Variants in SUGCT observed in about 807,000 individuals in gnomAD.
SUGCT encodes succinyl-CoA:glutarate CoA-transferase.
In SUGCT, 41 loss-of-function variants were observed where a neutral mutation model predicts 55.0. The ratio of observed to expected loss-of-function variants is 0.74; its 90% confidence interval spans 0.58 to 0.97. The LOEUF (loss-of-function observed/expected upper bound fraction) is 0.97. Ranked by LOEUF, SUGCT falls within the 50% of genes least tolerant of loss-of-function variation. The pLI is 0.00. For synonymous variants in SUGCT, 187 were observed against 200.4 expected (o/e 0.93, Z 0.56); for missense variants, 568 against 547.8 (o/e 1.04, Z -0.37).
At chr7:40,894,669 CA>C in the SUGCT span, among the ~76,000 whole-genome samples, 1 of 152,086 alleles carries the variant, frequency 6.6e-6, no homozygotes, top group South Asian at 2.1e-4. Context: ...AGACACTTTT[CA>C]AAAGAAGATA....
intron 9 of SUGCT, among the ~76,000 whole-genome samples, chr7:40,397,263 C>A (rs1282245384): frequency 2.0e-5 from 3 of 150,844 alleles, no homozygotes; most frequent in Non-Finnish European, 4.4e-5. Flanking sequence ...TTTAGAAAGC[C>A]CTCTAGCCAC....
At chr7:40,662,359 A>C (rs1443223022) in intron 12 of SUGCT, among the ~76,000 whole-genome samples, 1 of 152,172 alleles carries the variant, frequency 6.6e-6, no homozygotes, top group Non-Finnish European at 1.5e-5. Context: ...TCCTCCCCAC[A>C]TAGAAGTCAG....
chr7:40,554,066 T>A (rs1359924337), intron 12 of SUGCT, among the ~76,000 whole-genome samples: 1 of 152,254 alleles, frequency 6.6e-6, no homozygotes, highest in Non-Finnish European at 1.5e-5. Context: ...AGATCTGGAT[T>A]TGAATCCTGG....
At chr7:40,721,754 T>G (rs773687998) in intron 12 of SUGCT, among the ~76,000 whole-genome samples, 2 of 152,242 alleles carry the variant, frequency 1.3e-5, no homozygotes, top group African/African-American at 2.4e-5. Flanking sequence ...GAGGAATATG[T>G]CTTCTAGTTT....
rs563984591 is a variant in SUGCT, at chr7:40,321,697, T to C, written c.816+4842T>C. Reference sequence around the variant, plus strand: ...CGTGCCCAGCCTGACTTGATGTTTCTGAGTTATTTTACATTAAGATCATGG... The same window carrying C: ...CGTGCCCAGCCTGACTTGATGTTTCCGAGTTATTTTACATTAAGATCATGG... On this transcript the variant is annotated intron_variant, in intron 9 of 13. Coordinates refer to ENST00000335693, the MANE Select transcript of SUGCT (RefSeq NM_001193313.2). 1.2e-3 allele frequency among the ~76,000 whole-genome samples: 177 copies of C among 152,332 alleles called. 1 individual carries two copies. The highest frequency in any genetic ancestry group is 4.1e-3 in the African/African-American group (169 of 41,572).
chr7:40,484,708 G>T (rs1389629741), intron 11 of SUGCT, among the ~76,000 whole-genome samples: 1 of 152,092 alleles, frequency 6.6e-6, no homozygotes, highest in Non-Finnish European at 1.5e-5. Context: ...AGTATTTCTT[G>T]TGGTGCCTGG....
intron 7 of SUGCT, among the ~76,000 whole-genome samples, chr7:40,270,299 T>G (rs1791923347): frequency 6.6e-6 from 1 of 152,164 alleles, no homozygotes; most frequent in Admixed American, 6.5e-5. Flanking sequence ...TTTCTTTTGT[T>G]GCTAGTGCTT....
Position 40,287,608 on chromosome 7 carries a change from C to A in SUGCT, c.720+12952C>A, listed in dbSNP as rs574374580. ...GAACTCCCAGTCTCAAGCAATCCCC[C>A]ACCTCAGCCCCCTGAGTGGCTTGGA... On this transcript the variant is annotated intron_variant, in intron 8 of 13. Transcript: ENST00000335693. Among the ~76,000 whole-genome samples the A allele has an allele frequency of 1.5e-3, 235 of 152,144 alleles. 3 individuals are homozygous for A. The highest frequency in any genetic ancestry group is 5.3e-3 in the African/African-American group (221 of 41,518).
At chr7:40,307,694 G>T (rs1287009991) in intron 8 of SUGCT, among the ~76,000 whole-genome samples, 1 of 152,142 alleles carries the variant, frequency 6.6e-6, no homozygotes, top group Non-Finnish European at 1.5e-5. Context: ...GTAAATACTA[G>T]AAACTGATAA....
At chr7:40,492,183 T>G in intron 11 of SUGCT, among the ~76,000 whole-genome samples, 1 of 152,082 alleles carries the variant, frequency 6.6e-6, no homozygotes, top group East Asian at 1.9e-4. Context: ...AAGGCATTCA[T>G]GACCAAACCA....
chr7:40,317,106 C>T (rs926100882), intron 9 of SUGCT, among the ~76,000 whole-genome samples: 1 of 149,652 alleles, frequency 6.7e-6, no homozygotes, highest in Admixed American at 6.8e-5. Flanking sequence ...AAAGTAAGTG[C>T]CTTTTGGGCT....
rs557004249 is a variant in SUGCT at position 40,258,782 on chromosome 7, C to CA, written c.577-15725dup. On this transcript the variant is annotated intron_variant, in intron 7 of 13. Transcript: ENST00000335693. ...TATGGAAAGCAGTATGGAGGTTCTT[C>CA]AAAAAATTAAAAGTAGAACAACTAT... Among the ~76,000 whole-genome samples the CA allele has an allele frequency of 7.5e-4, 114 of 152,166 alleles. 1 individual carries two copies. Among genetic ancestry groups the CA allele is most frequent in the South Asian group, 1.9e-3 (9 of 4,820 alleles).
intron 12 of SUGCT, among the ~76,000 whole-genome samples, chr7:40,718,601 T>G (rs1203734): frequency 0.36 from 54,262 of 152,082 alleles, 10,757 homozygotes; most frequent in African/African-American, 0.55. Flanking sequence ...TTTCTGACTG[T>G]TTAATAATAG....
chr7:40,986,328 T>G, the SUGCT span, among the ~76,000 whole-genome samples: 1 of 151,958 alleles, frequency 6.6e-6, no homozygotes, highest in Admixed American at 6.6e-5. Flanking sequence ...TGAATAAGAG[T>G]TTTAGTGAGC....
In SUGCT at chr7:40,209,251, C is replaced by T. The variant is rs536662424; in HGVS notation, c.484+14191C>T. ...GGTGGCGTGACTCATGCCTGTAATC[C>T]CAGCACTTTGGGAGGCCGAGGCAGG... On this transcript the variant is annotated intron_variant, in intron 6 of 13. Transcript: ENST00000335693. Among the ~76,000 whole-genome samples, 4 of 152,238 alleles carry T rather than the reference C, an allele frequency of 2.6e-5. 1 individual carries two copies. In the South Asian group the frequency reaches 6.2e-4, roughly 24 times the overall value.
At position 40,525,275 on chromosome 7, in the gene SUGCT, G is replaced by A. The variant is rs565985870; in HGVS notation, c.1089+28889G>A. The stretch of plus-strand genomic sequence containing the variant: ...TTACTGGAATGAACATTCGTGACAT[G>A]TTTTTAAGATAGTGAATATAGAACT... On this transcript the variant is annotated intron_variant, in intron 12 of 13. Coordinates refer to ENST00000335693, the MANE Select transcript of SUGCT (RefSeq NM_001193313.2). Among the ~76,000 whole-genome samples, 15 of 152,304 alleles carry A rather than the reference G, an allele frequency of 9.8e-5. No homozygotes were observed. In the South Asian group the frequency reaches 3.1e-3, roughly 32 times the overall value.
rs56989808 is a variant in SUGCT, at chr7:40,316,955, G to GTTTTTTTTTT, written c.816+109_816+118dup. On this transcript the variant is annotated intron_variant, in intron 9 of 13. Coordinates refer to ENST00000335693, the MANE Select transcript of SUGCT (RefSeq NM_001193313.2). Reference sequence around the variant, plus strand: ...CTTTTTATACACAAATCCTTCAGCTGTTTTTTTTTTTTTTTTTTGTAATGT... The same window carrying GTTTTTTTTTT: ...CTTTTTATACACAAATCCTTCAGCTGTTTTTTTTTTTTTTTTTTTTTTTTTTTTGTAATGT... The GTTTTTTTTTT allele has an allele frequency of 8.3e-3, 1,569 of 188,768 alleles. 70 individuals are homozygous for GTTTTTTTTTT. The highest frequency in any genetic ancestry group is 0.022 in the East Asian group (267 of 11,998). The allele number at this position is 188,768 out of a possible 1,614,324, so 11.7% of individuals were successfully genotyped here.
At chr7:40,258,247 T>C (rs530648910) in intron 7 of SUGCT, among the ~76,000 whole-genome samples, 4 of 152,340 alleles carry the variant, frequency 2.6e-5, no homozygotes, top group Non-Finnish European at 5.9e-5. Context: ...ATTGAAGACC[T>C]ATTTAACACC....
intron 7 of SUGCT, among the ~76,000 whole-genome samples, chr7:40,245,419 A>ATTTTT (rs71560183): frequency 1.6e-4 from 4 of 24,952 alleles, no homozygotes; most frequent in African/African-American, 5.1e-4. Flanking sequence ...ATATATATAT[A>ATTTTT]TATATTTTTT....
Sources: gnomAD v4.1 joint callset for allele counts (sites outside exome capture counted in the v4.1 genomes callset) on GRCh38, gnomAD v4.1.1 for gene constraint, MANE v1.5 for transcripts, NCBI Gene and HGNC (gene_info 2026-07-23, HGNC 2026-07-21) for gene names.